The following SLC44A1 variants were observed in gnomAD, a reference collection of about 807,000 sequenced individuals.
SLC44A1 encodes choline transporter-like protein 1.
SLC44A1 carries 26 observed loss-of-function variants against 79.3 expected under a neutral mutation model. The ratio of observed to expected loss-of-function variants is 0.33; its 90% CI spans 0.24 to 0.46. The LOEUF (loss-of-function observed/expected upper bound fraction) is 0.46, where lower values mean the gene tolerates loss of function less well. SLC44A1 is among the 20% of genes least tolerant of loss of function. The probability of loss-of-function intolerance (pLI) is 1.00; values close to 1 mark genes in which losing one functional copy is unlikely to be tolerated. For missense variants in SLC44A1, 688 were observed against 798.1 expected, an observed-to-expected ratio of 0.86 and a Z score of 1.66; for synonymous variants, 263 against 286.2, an observed-to-expected ratio of 0.92 and a Z score of 0.82.
In SLC44A1 at chr9:105,389,930, A is replaced by G; in HGVS notation, c.*874A>G. The G allele has an allele frequency of 6.6e-7, 1 of 1,514,492 alleles. No homozygotes were observed. Among genetic ancestry groups the G allele is most frequent in the Non-Finnish European group, 8.8e-7 (1 of 1,132,408 alleles). The allele number at this position is 1,514,492 out of a possible 1,614,324, so 93.8% of individuals were successfully genotyped here. A position where few individuals can be genotyped will look rare whatever the true frequency, so the allele number is the denominator to read the frequency against. On this transcript the variant is annotated 3_prime_UTR_variant, in exon 16 of 16. Transcript: ENST00000374720. ...TTAAGTAATGCTGGGAGGAATAAAG[A>G]AGGGACAGAAACATGGAACATAAAG...
chr9:105,287,790 C>T (rs1483763706), intron 1 of SLC44A1, among the ~76,000 whole-genome samples: 1 of 152,176 alleles, frequency 6.6e-6, no homozygotes, highest in African/African-American at 2.4e-5. Flanking sequence ...AGTTTTCCTG[C>T]ATTCTTCAGG....
intron 12 of SLC44A1, among the ~76,000 whole-genome samples, chr9:105,368,464 C>T (rs529198054): frequency 2.2e-4 from 33 of 152,232 alleles, no homozygotes; most frequent in African/African-American, 7.7e-4. Context: ...CTCTGTAAGG[C>T]TAGCATTATT....
chr9:105,358,484 T>C (rs753081018), intron 7 of SLC44A1, 51 bp downstream of exon 7: 12 of 885,736 alleles, frequency 1.4e-5, no homozygotes, highest in African/African-American at 5.0e-5. Context: ...ACTACTTTGG[T>C]AGAAAATAGA....
At chr9:105,247,877 A>G (rs1281475096) in intron 1 of SLC44A1, among the ~76,000 whole-genome samples, 3 of 152,204 alleles carry the variant, frequency 2.0e-5, no homozygotes, top group Non-Finnish European at 4.4e-5. Context: ...AATTTTGCCA[A>G]GCTGTCCTCT....
chr9:105,361,428 C>T, intron 8 of SLC44A1, 98 bp downstream of exon 8: 2 of 1,124,020 alleles, frequency 1.8e-6, no homozygotes, highest in Non-Finnish European at 1.3e-6. Context: ...GCATTCCTAA[C>T]CCTGATCTCC....
chr9:105,438,175 G>C (rs1588884686), intron 15 of SLC44A1: 2 of 877,616 alleles, frequency 2.3e-6, no homozygotes, highest in South Asian at 3.1e-5. Flanking sequence ...ATTTCATAAT[G>C]TTTTCTTTAA....
In SLC44A1 at chr9:105,390,167, G is replaced by A; in HGVS notation, c.*1111G>A. 8.3e-7 allele frequency: 1 copy of A among 1,202,142 alleles called. No individual in the cohort carries two copies. The highest frequency in any genetic ancestry group is 3.0e-4 in the Middle Eastern group (1 of 3,336). 74.5% of individuals were successfully genotyped at this position (1,202,142 alleles called of 1,614,324 possible). A position where few individuals can be genotyped will look rare whatever the true frequency, so the allele number is the denominator to read the frequency against. On this transcript the variant is annotated 3_prime_UTR_variant, in exon 16 of 16. Coordinates refer to ENST00000374720, the MANE Select transcript of SLC44A1 (RefSeq NM_080546.5). ...ATCCTCCAGTGTGACTGTTGTTTTTGTTTGGGGGTGGGTTTGGGGTTTTTT... is the reference window on the plus strand; with the variant it reads ...ATCCTCCAGTGTGACTGTTGTTTTTATTTGGGGGTGGGTTTGGGGTTTTTT...
chr9:105,416,186 C>A (rs377604068), intron 15 of SLC44A1, among the ~76,000 whole-genome samples: 1 of 151,896 alleles, frequency 6.6e-6, no homozygotes, highest in Non-Finnish European at 1.5e-5. Flanking sequence ...CATGAGCCAC[C>A]GCACCCAGCC....
chr9:105,287,802 G>T (rs968724347), intron 1 of SLC44A1, among the ~76,000 whole-genome samples: 3 of 152,174 alleles, frequency 2.0e-5, no homozygotes, highest in Admixed American at 6.5e-5. Context: ...TTCTTCAGGA[G>T]AAATCTTGCT....
At chr9:105,286,701 G>C (rs996776232) in intron 1 of SLC44A1, among the ~76,000 whole-genome samples, 1 of 152,156 alleles carries the variant, frequency 6.6e-6, no homozygotes, top group African/African-American at 2.4e-5. Context: ...AGTGGCCCAT[G>C]CCTGTAATCC....
At chr9:105,253,815 C>T (rs1829642162) in intron 1 of SLC44A1, among the ~76,000 whole-genome samples, 1 of 152,118 alleles carries the variant, frequency 6.6e-6, no homozygotes, top group Admixed American at 6.5e-5. Context: ...ATCTCCGCCT[C>T]CCGGGTTTAA....
intron 1 of SLC44A1, among the ~76,000 whole-genome samples, chr9:105,265,171 G>A (rs1000632872): frequency 3.9e-5 from 6 of 152,062 alleles, no homozygotes; most frequent in Non-Finnish European, 8.8e-5. Context: ...TTTACATACG[G>A]TACAATTCAC....
chr9:105,321,699 C>T (rs1037967730), intron 3 of SLC44A1, among the ~76,000 whole-genome samples: 1 of 151,664 alleles, frequency 6.6e-6, no homozygotes, highest in Non-Finnish European at 1.5e-5. Flanking sequence ...TAAAGTCAGT[C>T]GTTTGTCTTA....
At position 105,335,557 on chromosome 9, in the gene SLC44A1, C is replaced by G; in HGVS notation, c.270-6C>G. ...TAATATCTCAGTTTTTTTCTCCATG[C>G]TTTAGGTATGTATTCTTTTTGGATC... On this transcript the variant is annotated splice_polypyrimidine_tract_variant and splice_region_variant and intron_variant, in intron 3 of 15. Transcript: ENST00000374720. The G allele has an allele frequency of 6.2e-7, 1 of 1,606,098 alleles. No homozygotes were observed. Among genetic ancestry groups the G allele is most frequent in the South Asian group, 1.1e-5 (1 of 89,630 alleles).
At chr9:105,291,882 G>T (rs192722930) in intron 1 of SLC44A1, among the ~76,000 whole-genome samples, 58 of 152,250 alleles carry the variant, frequency 3.8e-4, no homozygotes, top group Non-Finnish European at 7.1e-4. Context: ...CTTGTCAGAA[G>T]GATACTCTTG....
In SLC44A1 at chr9:105,343,417, CTT is replaced by C. The variant is rs1363961079; in HGVS notation, c.407-4937_407-4936del. Among the ~76,000 whole-genome samples the C allele has an allele frequency of 3.3e-5, 5 of 152,044 alleles. No homozygotes were observed. In the East Asian group the frequency reaches 9.6e-4, roughly 29 times the overall value. On this transcript the variant is annotated intron_variant, in intron 4 of 15. Transcript: ENST00000374720. ...ATGCTAATTGTGAATACTAATAAGT[CTT>C]TTTGATTATTGTTATCTGGTTGTTA...
intron 3 of SLC44A1, among the ~76,000 whole-genome samples, chr9:105,321,174 T>G (rs1476969898): frequency 1.3e-5 from 2 of 152,222 alleles, no homozygotes; most frequent in Admixed American, 6.5e-5. Context: ...TTTTGTGCTT[T>G]CTACTGAAAG....
intron 15 of SLC44A1, among the ~76,000 whole-genome samples, chr9:105,424,419 C>G (rs1035878142): frequency 1.3e-5 from 2 of 152,156 alleles, no homozygotes; most frequent in African/African-American, 4.8e-5. Context: ...GCAGCCCCTC[C>G]TAGTGTGGGC....
chr9:105,438,286 GA>G lies in SLC44A1; in HGVS notation c.1960del (p.Arg654GlyfsTer8). The G allele has an allele frequency of 5.2e-6, 8 of 1,550,386 alleles. No individual in the cohort carries two copies. Among genetic ancestry groups the G allele is most frequent in the Non-Finnish European group, 7.0e-6 (8 of 1,146,790 alleles). Reference sequence around the variant, plus strand: ...TTCTTGATGTGTTTTTTCAGCTGAAGAAAAGGTGACTGGTCTCATGAGCCCT... The same window carrying G: ...TTCTTGATGTGTTTTTTCAGCTGAAGAAAGGTGACTGGTCTCATGAGCCCT... On this transcript the variant is annotated frameshift_variant, in exon 16 of 16. Coordinates refer to the SLC44A1 transcript ENST00000374724. LOFTEE classifies it high-confidence loss of function.
Sources: allele counts gnomAD v4.1 joint callset (sites outside exome capture counted in the v4.1 genomes callset), GRCh38; gene constraint gnomAD v4.1.1; transcripts MANE v1.5; gene names NCBI Gene and HGNC (gene_info 2026-07-23, HGNC 2026-07-21).